The following RBM25 variants were observed in gnomAD, a reference collection of about 807,000 sequenced individuals.
RBM25 encodes RNA binding motif protein 25, also known as RNA-binding protein 25.
Under a neutral mutation model 120.7 loss-of-function variants are expected in RBM25, and 19 were observed. The observed-to-expected ratio is 0.16, with a 90% CI of 0.11 to 0.23. The LOEUF (loss-of-function observed/expected upper bound fraction) is 0.23, where lower values mean the gene tolerates loss of function less well. Ranked by LOEUF, RBM25 falls within the 10% of genes least tolerant of loss-of-function variation. The probability of loss-of-function intolerance (pLI) is 1.00; values close to 1 mark genes in which losing one functional copy is unlikely to be tolerated. For synonymous variants in RBM25, 390 were observed against 326.7 expected, an observed-to-expected ratio of 1.19 and a Z score of -2.09; for missense variants, 605 against 1,041.5, an observed-to-expected ratio of 0.58 and a Z score of 5.77.
chr14:73,060,351 A>G (rs1334871875), intron 1 of RBM25, among the ~76,000 whole-genome samples: 1 of 151,502 alleles, frequency 6.6e-6, no homozygotes, highest in Non-Finnish European at 1.5e-5. Flanking sequence ...ATGTATTTTT[A>G]AAGTAAAACT....
At chr14:73,094,128 T>C (rs1337826727) in intron 6 of RBM25, among the ~76,000 whole-genome samples, 1 of 151,406 alleles carries the variant, frequency 6.6e-6, no homozygotes, top group African/African-American at 2.4e-5. Context: ...ATTTTTTTTG[T>C]ATTTTTGGTA....
At chr14:73,084,145 G>A (rs535811437) in intron 5 of RBM25, among the ~76,000 whole-genome samples, 2 of 151,960 alleles carry the variant, frequency 1.3e-5, no homozygotes, top group African/African-American at 4.8e-5. Context: ...TGATCCACCC[G>A]CCTTGACCTC....
intron 1 of RBM25, among the ~76,000 whole-genome samples, chr14:73,060,220 A>G (rs541117186): frequency 6.6e-6 from 1 of 151,270 alleles, no homozygotes; most frequent in South Asian, 2.1e-4. Flanking sequence ...TGTAGTTTTA[A>G]TAGAGGCGAG....
intron 12 of RBM25, 67 bp from the exon 13 acceptor site, chr14:73,107,759 A>C (rs970586851): frequency 1.4e-5 from 17 of 1,205,942 alleles, no homozygotes; most frequent in Admixed American, 2.1e-5. Flanking sequence ...CTGTTTACAC[A>C]AAAAAGGGAA....
intron 5 of RBM25, 32 bp downstream of exon 5, chr14:73,083,583 C>T: frequency 6.7e-7 from 1 of 1,487,368 alleles, no homozygotes; most frequent in East Asian, 2.4e-5. Context: ...TTGCTGAAAT[C>T]ACTTTAACTA....
rs1294642356 is a variant in RBM25, at chr14:73,071,729, C to T, written c.88C>T (p.Pro30Ser). The T allele has an allele frequency of 1.9e-6, 3 of 1,613,140 alleles. No homozygotes were observed. Among genetic ancestry groups the T allele is most frequent in the Non-Finnish European group, 2.5e-6 (3 of 1,179,200 alleles). Residue 30 changes from proline to serine, a missense_variant, in exon 2 of 19, where the codon CCT becomes TCT. By Grantham distance (74) the Pro-to-Ser change is moderately conservative (BLOSUM62 -1). Transcript: ENST00000261973. ...GIPPPQFPGF[P>S]PPVPPGTPMI... ...CCCACCCCCGCAGTTTCCAGGATTT[C>T]CTCCACCTGTACCTCCAGGTAAGTT...
intron 1 of RBM25, among the ~76,000 whole-genome samples, chr14:73,070,274 C>T (rs1895252092): frequency 6.6e-6 from 1 of 151,892 alleles, no homozygotes; most frequent in Non-Finnish European, 1.5e-5. Flanking sequence ...TGAGGCTGGT[C>T]TCGAACTCCT....
chr14:73,106,343 ACTG>A (rs1896188085), intron 12 of RBM25, 58 bp downstream of exon 12: 8 of 1,297,998 alleles, frequency 6.2e-6, no homozygotes, highest in Non-Finnish European at 8.5e-6. Flanking sequence ...TTGTATCTTT[ACTG>A]CTAACTACAA....
chr14:73,076,788 G>A (rs1019806320), intron 3 of RBM25, among the ~76,000 whole-genome samples: 2 of 152,174 alleles, frequency 1.3e-5, no homozygotes, highest in African/African-American at 4.8e-5. Context: ...CCTTTTACAT[G>A]TTTCCTCCTA....
intron 5 of RBM25, among the ~76,000 whole-genome samples, chr14:73,085,121 C>G (rs989452293): frequency 1.3e-5 from 2 of 151,802 alleles, no homozygotes; most frequent in Non-Finnish European, 2.9e-5. Flanking sequence ...CTGATTCAAA[C>G]GATTCTCCAG....
chr14:73,105,126 C>CTTTTTTTT (rs34862161), intron 10 of RBM25, among the ~76,000 whole-genome samples: 7,537 of 109,186 alleles, frequency 0.069, 602 homozygotes, highest in Non-Finnish European at 0.097. Context: ...GGTTTTATTA[C>CTTTTTTTT]TTTTTTTTTT....
chr14:73,066,700 CTAAATAT>C (rs754629909), intron 1 of RBM25, among the ~76,000 whole-genome samples: 191 of 149,730 alleles, frequency 1.3e-3, no homozygotes, highest in Non-Finnish European at 1.6e-3. Context: ...ATAAAGTTTT[CTAAATAT>C]TTTAAGTATA....
intron 1 of RBM25, chr14:73,068,058 C>A (rs986001978): frequency 2.0e-6 from 1 of 508,162 alleles, no homozygotes; most frequent in Non-Finnish European, 3.7e-6. Context: ...ACTGGTTTAG[C>A]GTGAGCAGTG....
intron 1 of RBM25, chr14:73,059,310 C>T (rs1894943680): frequency 6.6e-6 from 1 of 152,172 alleles, no homozygotes. Context: ...TTAAGATAGT[C>T]ATGAATTTTG....
intron 6 of RBM25, among the ~76,000 whole-genome samples, chr14:73,092,868 G>C (rs1373229005): frequency 2.6e-5 from 4 of 152,118 alleles, no homozygotes; most frequent in Admixed American, 2.6e-4. Context: ...TGCCCAGCCA[G>C]ATTCAGAATT....
intron 18 of RBM25, among the ~76,000 whole-genome samples, chr14:73,114,866 G>A (rs1024767792): frequency 6.6e-6 from 1 of 152,198 alleles, no homozygotes; most frequent in Admixed American, 6.5e-5. Context: ...TTGCACTCCA[G>A]CCTGGTGACA....
At chr14:73,075,455 G>A (rs996161462) in intron 2 of RBM25, among the ~76,000 whole-genome samples, 1 of 151,584 alleles carries the variant, frequency 6.6e-6, no homozygotes. Context: ...CACTGCGCCC[G>A]GCCCATGATT....
chr14:73,103,584 G>A (rs1896098942), intron 10 of RBM25, 106 bp downstream of exon 10: 3 of 1,450,942 alleles, frequency 2.1e-6, no homozygotes, highest in Admixed American at 5.3e-5. Context: ...TTGTGTGTGT[G>A]TGAGACATTC....
At chr14:73,117,210 C>CTTTTTTTTTTTTTTTTTTTT (rs71112704) in intron 18 of RBM25, among the ~76,000 whole-genome samples, 15 of 49,432 alleles carry the variant, frequency 3.0e-4, no homozygotes, top group African/African-American at 3.8e-4. Context: ...TTCTTCTTTT[C>CTTTTTTTTTTTTTTTTTTTT]TTTTTTTTTT....
Sources: gnomAD v4.1 joint callset for allele counts (sites outside exome capture counted in the v4.1 genomes callset) on GRCh38, gnomAD v4.1.1 for gene constraint, MANE v1.5 for transcripts, NCBI Gene and HGNC (gene_info 2026-07-23, HGNC 2026-07-21) for gene names.